The following VBP1 variants were observed in gnomAD, a reference collection of about 807,000 sequenced individuals.
VBP1 encodes the protein VHL binding protein 1.
Under a neutral mutation model 15.5 loss-of-function variants are expected in VBP1, and 4 were observed. The observed-to-expected ratio is 0.26, with a 90% CI of 0.13 to 0.59. The LOEUF (loss-of-function observed/expected upper bound fraction) is 0.59, where lower values mean the gene tolerates loss of function less well. VBP1 is among the 20% of genes least tolerant of loss of function. The probability of loss-of-function intolerance (pLI) is 0.90; values close to 1 mark genes in which losing one functional copy is unlikely to be tolerated. For synonymous variants in VBP1, 61 were observed against 52.1 expected, an observed-to-expected ratio of 1.17 and a Z score of -0.74; for missense variants, 108 against 139.6, an observed-to-expected ratio of 0.77 and a Z score of 1.14.
rs781818911 is a variant in VBP1, at chrX:155,204,148, G to C, written c.-30-4726G>C. 6.3e-5 allele frequency among the ~76,000 whole-genome samples: 7 copies of C among 111,161 alleles called. No individual in the cohort carries two copies. The South Asian group carries it at 2.7e-3, about 43-fold the overall frequency. Reference sequence around the variant, plus strand: ...TGTTTGCTAGAGAACCATAAAGAAGGGTTTTGAAAACATTTTTTTTTTGAG... The same window carrying C: ...TGTTTGCTAGAGAACCATAAAGAAGCGTTTTGAAAACATTTTTTTTTTGAG... On this transcript the variant is annotated intron_variant, in intron 1 of 6. Transcript: ENST00000535916.
chrX:155,206,174 T>C (rs1192854676), intron 1 of VBP1, among the ~76,000 whole-genome samples: 1 of 111,555 alleles, frequency 9.0e-6, no homozygotes, highest in African/African-American at 3.3e-5. Flanking sequence ...TTGGAGTAGG[T>C]TTCCATTTTA....
At chrX:155,202,099 T>G (rs1190381345) in intron 1 of VBP1, among the ~76,000 whole-genome samples, 1 of 110,793 alleles carries the variant, frequency 9.0e-6, no homozygotes, top group Admixed American at 9.6e-5. Flanking sequence ...CACTGCTCAA[T>G]GAAATAAAAG....
intron 1 of VBP1, among the ~76,000 whole-genome samples, chrX:155,199,960 T>C (rs1248816202): frequency 9.2e-6 from 1 of 108,377 alleles, no homozygotes; most frequent in Non-Finnish European, 1.9e-5. Flanking sequence ...GTTGCAATCC[T>C]AGTCTCTGAT....
intron 2 of VBP1, among the ~76,000 whole-genome samples, chrX:155,210,956 T>C (rs2074643015): frequency 8.9e-6 from 1 of 112,075 alleles, no homozygotes; most frequent in Non-Finnish European, 1.9e-5. Flanking sequence ...ACCGTTATTT[T>C]TGAGCCATCA....
At chrX:155,226,737 A>T (rs1557310306) in intron 2 of VBP1, among the ~76,000 whole-genome samples, 1 of 112,057 alleles carries the variant, frequency 8.9e-6, no homozygotes, top group Non-Finnish European at 1.9e-5. Context: ...TGGATAGGGG[A>T]TTGGTGTCTT....
rs151289093 is a variant in VBP1, at chrX:155,208,939, C to T, written c.36C>T (p.Gly12=). The stretch of plus-strand genomic sequence containing the variant: ...AACCCATGATTCATACCCAGCAAGG[C>T]CTAAGGACCAGTAGTCCTTCCACTC... Residue 12 remains glycine (G), a synonymous_variant, in exon 2 of 7, where the codon GGC becomes GGT. Coordinates refer to the VBP1 transcript ENST00000535916. The T allele has an allele frequency of 1.5e-3, 1,730 of 1,153,449 alleles. 1 individual carries two copies. Among genetic ancestry groups the T allele is most frequent in the Non-Finnish European group, 1.8e-3 (1,548 of 872,451 alleles).
intron 2 of VBP1, among the ~76,000 whole-genome samples, chrX:155,224,325 T>C (rs2074708671): frequency 1.8e-5 from 2 of 112,525 alleles, no homozygotes; most frequent in Admixed American, 1.9e-4. Context: ...GAGCACTGAG[T>C]GAGCGAGACT....
intron 5 of VBP1, among the ~76,000 whole-genome samples, chrX:155,238,463 A>G (rs1301767079): frequency 1.8e-5 from 2 of 112,327 alleles, no homozygotes; most frequent in African/African-American, 6.5e-5. Context: ...GACTGTCTTT[A>G]AAACTATCGA....
intron 3 of VBP1, among the ~76,000 whole-genome samples, chrX:155,228,061 G>A (rs782176916): frequency 9.0e-6 from 1 of 111,622 alleles, no homozygotes; most frequent in South Asian, 3.8e-4. Context: ...TCAGGCACTC[G>A]GGGGTGTGTG....
At chrX:155,224,330 G>A (rs1290084590) in intron 2 of VBP1, among the ~76,000 whole-genome samples, 1 of 112,813 alleles carries the variant, frequency 8.9e-6, no homozygotes, top group Non-Finnish European at 1.9e-5. Context: ...CTGAGTGAGC[G>A]AGACTCCGTC....
intron 1 of VBP1, among the ~76,000 whole-genome samples, chrX:155,218,538 G>C: frequency 1.8e-5 from 2 of 111,271 alleles, no homozygotes; most frequent in Middle Eastern, 4.6e-3. Context: ...CGCTGAGGCA[G>C]TAATTTGTTT....
At chrX:155,200,522 C>A (rs2074598668) in intron 1 of VBP1, among the ~76,000 whole-genome samples, 1 of 110,694 alleles carries the variant, frequency 9.0e-6, no homozygotes, top group Admixed American at 9.6e-5. Flanking sequence ...GGGTACATAA[C>A]GAAATGAAGG....
At chrX:155,228,590 G>A (rs1024689241) in intron 4 of VBP1, 108 bp downstream of exon 4, 5 of 617,950 alleles carry the variant, frequency 8.1e-6, no homozygotes, top group Non-Finnish European at 1.3e-5. Flanking sequence ...AGTATTGCTC[G>A]AGATATGTAA....
intron 1 of VBP1, 95 bp downstream of exon 1, chrX:155,216,670 C>T: frequency 1.8e-6 from 2 of 1,106,803 alleles, no homozygotes; most frequent in Admixed American, 5.4e-5. Flanking sequence ...TTGGAAGGAG[C>T]TGAGCCAAGT....
intron 2 of VBP1, among the ~76,000 whole-genome samples, chrX:155,225,010 A>G (rs1458317332): frequency 8.9e-6 from 1 of 111,761 alleles, no homozygotes; most frequent in Non-Finnish European, 1.9e-5. Flanking sequence ...CATATTACCA[A>G]TATCCTTTCT....
chrX:155,209,896 G>A (rs374037812), intron 2 of VBP1, among the ~76,000 whole-genome samples: 1 of 111,410 alleles, frequency 9.0e-6, no homozygotes, highest in Non-Finnish European at 1.9e-5. Context: ...TCATTCAGAC[G>A]CAGTCCAAGT....
chrX:155,219,615 T>C (rs1176750824), intron 1 of VBP1, among the ~76,000 whole-genome samples: 1 of 111,912 alleles, frequency 8.9e-6, no homozygotes, highest in Non-Finnish European at 1.9e-5. Context: ...GTGAATAGGA[T>C]GCATGAATAG....
At position 155,207,462 on chromosome X, in the gene VBP1, A is replaced by G. The variant is rs183662405; in HGVS notation, c.-30-1412A>G. Among the ~76,000 whole-genome samples the G allele has an allele frequency of 3.6e-5, 4 of 111,796 alleles. No homozygotes were observed. The East Asian group carries it at 8.4e-4, about 24-fold the overall frequency. On this transcript the variant is annotated intron_variant, in intron 1 of 6. Coordinates refer to the VBP1 transcript ENST00000535916. ...ACCAAGATCTTCATCCTCAGGCAAG[A>G]GCAATTTCAAGGATTTCTAGGCAGC... is the stretch of plus-strand genomic sequence containing the variant.
At chrX:155,236,159 C>G in intron 4 of VBP1, 70 bp from the exon 5 acceptor site, 2 of 1,107,909 alleles carry the variant, frequency 1.8e-6, no homozygotes, top group Non-Finnish European at 2.4e-6. Context: ...CTGTAGTTTG[C>G]CCACACTTTA....
Sources: gnomAD v4.1 joint callset for allele counts (sites outside exome capture counted in the v4.1 genomes callset) on GRCh38, gnomAD v4.1.1 for gene constraint, MANE v1.5 for transcripts, NCBI Gene and HGNC (gene_info 2026-07-23, HGNC 2026-07-21) for gene names.